The following ZNF711 variants were observed in gnomAD, a reference collection of about 807,000 sequenced individuals.
ZNF711 encodes ZFX family zinc finger ZNF711.
ZNF711 carries 3 observed loss-of-function variants against 43.5 expected under a neutral mutation model. The ratio of observed to expected loss-of-function variants is 0.07; its 90% CI spans 0.03 to 0.18. The LOEUF is 0.18. ZNF711 is among the 10% of genes least tolerant of loss of function. The probability of loss-of-function intolerance (pLI) is 1.00; values close to 1 mark genes in which losing one functional copy is unlikely to be tolerated. For synonymous variants in ZNF711, 209 were observed against 207.7 expected (o/e 1.01, Z -0.06); for missense variants, 412 against 604.0 (o/e 0.68, Z 3.33).
At chrX:85,270,203 T>C in intron 10 of ZNF711, 57 bp downstream of exon 10, 1 of 1,138,789 alleles carries the variant, frequency 8.8e-7, no homozygotes, top group Non-Finnish European at 1.2e-6. Context: ...GTATTTTTTG[T>C]CACCAAAGAA....
At chrX:85,270,245 C>A in intron 10 of ZNF711, 99 bp downstream of exon 10, 2 of 877,008 alleles carry the variant, frequency 2.3e-6, no homozygotes, top group Non-Finnish European at 3.2e-6. Context: ...CAGTTCTACT[C>A]TCCATGTACC....
intron 4 of ZNF711, among the ~76,000 whole-genome samples, chrX:85,250,072 C>T (rs963483970): frequency 1.8e-5 from 2 of 112,405 alleles, no homozygotes; most frequent in Non-Finnish European, 3.8e-5. Context: ...TGTATGAGTA[C>T]ACCACATTTG....
At chrX:85,248,480 A>T in intron 4 of ZNF711, among the ~76,000 whole-genome samples, 1 of 105,771 alleles carries the variant, frequency 9.5e-6, no homozygotes, top group African/African-American at 3.4e-5. Context: ...CTCAAAAAAA[A>T]AAAAAAAAAA....
chrX:85,264,968 G>A (rs1247514254), intron 6 of ZNF711, 150 bp from the exon 7 acceptor site: 1 of 516,885 alleles, frequency 1.9e-6, no homozygotes, highest in East Asian at 4.0e-5. Context: ...AAAATTTAAA[G>A]TATAATTTAT....
chrX:85,268,430 A>G (rs1020929385), intron 9 of ZNF711, 89 bp downstream of exon 9: 3 of 1,052,492 alleles, frequency 2.9e-6, no homozygotes, highest in African/African-American at 3.8e-5. Context: ...GTGTCTACAG[A>G]CACATTTGTT....
At chrX:85,254,748 G>A (rs1357796602) in intron 4 of ZNF711, among the ~76,000 whole-genome samples, 2 of 98,764 alleles carry the variant, frequency 2.0e-5, no homozygotes, top group Admixed American at 1.1e-4. Context: ...TTTGCAGTGA[G>A]CCGAGATCGC....
chrX:85,265,080 G>A, intron 6 of ZNF711, 38 bp from the exon 7 acceptor site: 2 of 1,172,442 alleles, frequency 1.7e-6, no homozygotes, highest in African/African-American at 1.8e-5. Context: ...GTTATTCCAT[G>A]ATACTTCTCT....
In ZNF711 at chrX:85,267,368, C is replaced by G; in HGVS notation, c.1007C>G (p.Ser336Cys). 1 of 1,143,574 alleles carries G rather than the reference C, an allele frequency of 8.7e-7. No homozygotes were observed. Among genetic ancestry groups the G allele is most frequent in the Non-Finnish European group, 1.2e-6 (1 of 866,836 alleles). The allele number at this position is 1,143,574 out of a possible 1,213,427, so 94.2% of individuals were successfully genotyped here. ...CTCCCTGAGATTCAGCTTGAGGACT[C>G]TGATGTTAATAAAACAGTTGTCCCT... is the stretch of plus-strand genomic sequence containing the variant. ...TSLPEIQLED[S>C]DVNKTVVPVV... is the part of the protein sequence containing the mutation. The change falls in exon 8 of 11, where the codon TCT (serine) becomes TGT (cysteine). Residue 336 changes from serine to cysteine, a missense_variant. Coordinates refer to ENST00000674551, the MANE Select transcript of ZNF711 (RefSeq NM_001330574.2).
Position 85,244,133 on chromosome X carries a change from GGCGGCGGCGGCGGCA to G in ZNF711, c.-452_-438del, listed in dbSNP as rs1281882182. On this transcript the variant is annotated 5_prime_UTR_variant, in exon 1 of 11. Transcript: ENST00000674551. ...CGACTGGCGGCACGGAGGCGGCGGC[GGCGGCGGCGGCGGCA>G]GCGGCGGCGGCAGCGGCGGCGGCAG... 6.7e-5 allele frequency: 10 copies of G among 149,261 alleles called. No homozygotes were observed. Among genetic ancestry groups the G allele is most frequent in the African/African-American group, 1.6e-4 (5 of 30,843 alleles). 12.3% of individuals were successfully genotyped at this position (149,261 alleles called of 1,213,427 possible).
In ZNF711 at chrX:85,272,679, G is replaced by A. The variant is rs916423638; in HGVS notation, c.*851G>A. The A allele has an allele frequency of 8.9e-6, 1 of 111,927 alleles. No homozygotes were observed. The highest frequency in any genetic ancestry group is 1.9e-5 in the Non-Finnish European group (1 of 52,964). The allele number at this position is 111,927 out of a possible 1,213,427, so 9.2% of individuals were successfully genotyped here. The stretch of plus-strand genomic sequence containing the variant: ...GTTTTCTTAAATATTATAATGTCTA[G>A]AGTTTTTTTAGGACAGTCTTAGCAA... On this transcript the variant is annotated 3_prime_UTR_variant, in exon 11 of 11. Transcript: ENST00000674551.
At chrX:85,258,293 T>C (rs1350216919) in intron 5 of ZNF711, among the ~76,000 whole-genome samples, 1 of 110,925 alleles carries the variant, frequency 9.0e-6, no homozygotes, top group African/African-American at 3.3e-5. Flanking sequence ...AAACCAAATA[T>C]ATGTTTTCTC....
At chrX:85,248,930 C>G (rs1929295444) in intron 4 of ZNF711, among the ~76,000 whole-genome samples, 1 of 112,021 alleles carries the variant, frequency 8.9e-6, no homozygotes, top group Admixed American at 9.5e-5. Flanking sequence ...GTGCTGTTAA[C>G]TAGCTGTGTA....
chrX:85,267,544 C>T (rs1298777807), intron 8 of ZNF711, 129 bp downstream of exon 8: 25 of 453,753 alleles, frequency 5.5e-5, no homozygotes, highest in Non-Finnish European at 7.4e-5. Context: ...ACACTGTGGA[C>T]TGATTCATCT....
intron 5 of ZNF711, among the ~76,000 whole-genome samples, chrX:85,258,002 C>G (rs768905412): frequency 1.8e-5 from 2 of 112,648 alleles, no homozygotes; most frequent in Admixed American, 9.3e-5. Context: ...AAAACTAGAT[C>G]TACTGTTTGA....
rs1357904545 is a variant in ZNF711 at position 85,267,341 on chromosome X, C to G, written c.980C>G (p.Ser327Cys). ...ATTGTAGGGGAAGAGGAAGGAACTT[C>G]TCTCCCTGAGATTCAGCTTGAGGAC... ...EVIVGEEEGTSLPEIQLEDSD... is the reference protein window; with the variant it reads ...EVIVGEEEGTCLPEIQLEDSD... The change falls in exon 8 of 11, where the codon TCT becomes TGT. Residue 327 changes from serine (S) to cysteine (C), a missense_variant. Around this residue, in one of 4 missense-constraint regions of ZNF711, gnomAD observed 375 missense variants for 514.2 expected, o/e 0.73. Coordinates refer to ENST00000674551, the MANE Select transcript of ZNF711 (RefSeq NM_001330574.2). 2 of 1,144,086 alleles carry G rather than the reference C, an allele frequency of 1.7e-6. No individual in the cohort carries two copies. The highest frequency in any genetic ancestry group is 3.6e-5 in the African/African-American group (2 of 54,937). The allele number at this position is 1,144,086 out of a possible 1,213,427, so 94.3% of individuals were successfully genotyped here. A position where few individuals can be genotyped will look rare whatever the true frequency, so the allele number is the denominator to read the frequency against.
Position 85,264,306 on chromosome X carries a change from G to C in ZNF711, c.654G>C (p.Met218Ile). The C allele has an allele frequency of 8.3e-7, 1 of 1,203,471 alleles. No individual in the cohort carries two copies. The highest frequency in any genetic ancestry group is 1.8e-5 in the South Asian group (1 of 56,681). Residue 218 changes from methionine (M) to isoleucine (I), a missense_variant, in exon 6 of 11, where the codon ATG becomes ATC. Met to Ile is a conservative substitution (Grantham distance 10, BLOSUM62 1). Transcript: ENST00000674551. ...ATGTTGGAGAAAAATTAGAGCATAT[G>C]GGGAATACACCATTAAAAATTGGCA... The part of the protein sequence containing the change: ...LDDVGEKLEH[M>I]GNTPLKIGSD...
At position 85,272,957 on chromosome X, in the gene ZNF711, G is replaced by T. The variant is rs1011172148; in HGVS notation, c.*1129G>T. On this transcript the variant is annotated 3_prime_UTR_variant, in exon 11 of 11. Coordinates refer to ENST00000674551, the MANE Select transcript of ZNF711 (RefSeq NM_001330574.2). ...GTGTTAGCATGCTGCAAATCAAAAT[G>T]GCACTTAATATTAAAAGCTGGTTTA... 9.0e-6 allele frequency: 1 copy of T among 111,554 alleles called. No individual in the cohort carries two copies. The highest frequency in any genetic ancestry group is 9.6e-5 in the Admixed American group (1 of 10,442). 9.2% of individuals were successfully genotyped at this position (111,554 alleles called of 1,213,427 possible).
At chrX:85,245,296 GTT>G (rs1928936821) in intron 1 of ZNF711, among the ~76,000 whole-genome samples, 1 of 112,307 alleles carries the variant, frequency 8.9e-6, no homozygotes, top group Admixed American at 9.4e-5. Context: ...ATGGAAAGAT[GTT>G]TACTTGAGAC....
chrX:85,258,271 C>G (rs1241902009), intron 5 of ZNF711, among the ~76,000 whole-genome samples: 3 of 111,210 alleles, frequency 2.7e-5, no homozygotes, highest in Non-Finnish European at 5.7e-5. Flanking sequence ...AGTGAAGTAA[C>G]TCAGGAACAG....
Sources: gnomAD v4.1 joint callset for allele counts (sites outside exome capture counted in the v4.1 genomes callset) on GRCh38, gnomAD v4.1.1 for gene constraint, gnomAD v4.1.1 regional missense constraint, MANE v1.5 for transcripts, NCBI Gene and HGNC (gene_info 2026-07-23, HGNC 2026-07-21) for gene names.